STAT4: variants seen among roughly 807,000 people sequenced by gnomAD.
STAT4 encodes the protein signal transducer and activator of transcription 4.
A neutral mutation model predicts 110.5 loss-of-function variants in STAT4; 42 were observed. The ratio of observed to expected loss-of-function variants is 0.38; its 90% CI spans 0.30 to 0.49. The LOEUF (loss-of-function observed/expected upper bound fraction) is 0.49. Among genes scored for constraint, STAT4 ranks in the 20% least tolerant of loss-of-function variants. STAT4 has a pLI of 0.95. For synonymous variants in STAT4, 284 were observed against 302.2 expected, an observed-to-expected ratio of 0.94 and a Z score of 0.63; for missense variants, 632 against 887.9, an observed-to-expected ratio of 0.71 and a Z score of 3.66.
chr2:191,034,021 A>G lies in STAT4; in HGVS notation c.1621-16T>C. 1.3e-6 allele frequency: 2 copies of G among 1,502,300 alleles called. No homozygotes were observed. Among genetic ancestry groups the G allele is most frequent in the South Asian group, 1.2e-5 (1 of 84,394 alleles). 93.1% of individuals were successfully genotyped at this position (1,502,300 alleles called of 1,614,324 possible). ...GTAAATGTTCCTACAGGAATAGACA[A>G]GCACATTAAGACAATGATTATTTAA... On this transcript the variant is annotated splice_polypyrimidine_tract_variant and intron_variant, in intron 18 of 23. Transcript: ENST00000392320.
In STAT4 at chr2:191,031,193, G is replaced by T; in HGVS notation, c.2112-113C>A. 8.9e-7 allele frequency: 1 copy of T among 1,119,530 alleles called. No homozygotes were observed. Among genetic ancestry groups the T allele is most frequent in the Non-Finnish European group, 1.3e-6 (1 of 758,380 alleles). 69.3% of individuals were successfully genotyped at this position (1,119,530 alleles called of 1,614,324 possible). A position where few individuals can be genotyped will look rare whatever the true frequency, so the allele number is the denominator to read the frequency against. ...GGGCTTCATCTATTTGTGACATTGAGTTATCTAATTCATCATTTCATATCA... is the reference window on the plus strand; with the variant it reads ...GGGCTTCATCTATTTGTGACATTGATTTATCTAATTCATCATTTCATATCA... On this transcript the variant is annotated intron_variant, in intron 22 of 23. Transcript: ENST00000392320. The surrounding 1 kb of genome is among the most constrained non-coding windows in gnomAD (Gnocchi z 4.8).
chr2:191,054,610 G>A (rs781368681), intron 13 of STAT4, 76 bp from the exon 14 acceptor site: 44 of 1,355,450 alleles, frequency 3.2e-5, no homozygotes, highest in Admixed American at 1.4e-4. Context: ...TACCTGTTGC[G>A]GTCATTTTCT....
Position 191,146,637 on chromosome 2 carries a change from T to G in STAT4, c.249A>C (p.Leu83=). The part of the protein sequence containing the change: ...KEKNLLLIHN[L]KRIRKVLQGK... ...CCTGAAGGACCTTCCTAATTCTTTT[T>G]AGATTGTGTATCAAGAGTAGGTTTT... Residue 83 remains leucine, a synonymous_variant, in exon 3 of 24, where the codon CTA becomes CTC. Coordinates refer to ENST00000392320, the MANE Select transcript of STAT4 (RefSeq NM_003151.4). The surrounding 1 kb of genome is among the most constrained non-coding windows in gnomAD (Gnocchi z 4.5). 3 of 1,570,236 alleles carry G rather than the reference T, an allele frequency of 1.9e-6. No individual in the cohort carries two copies. Among genetic ancestry groups the G allele is most frequent in the Non-Finnish European group, 2.6e-6 (3 of 1,160,028 alleles).
rs1372107553 is a variant in STAT4, at chr2:191,091,469, G to T, written c.274-15144C>A. Among the ~76,000 whole-genome samples the T allele has an allele frequency of 2.0e-5, 3 of 152,144 alleles. No homozygotes were observed. Among genetic ancestry groups the T allele is most frequent in the Non-Finnish European group, 4.4e-5 (3 of 68,032 alleles). On this transcript the variant is annotated intron_variant, in intron 3 of 23. Transcript: ENST00000392320. This position sits in a 1 kb window ranked among gnomAD's most constrained non-coding sequence, Gnocchi z 5.4. The stretch of plus-strand genomic sequence containing the variant: ...AAAAACATAAATTCTAAATGTGAGA[G>T]ACTTGTTATTATAAAAATATTAATT...
At position 191,029,822 on chromosome 2, in the gene STAT4, G is replaced by A. The variant is rs758789071; in HGVS notation, c.*18C>T. ...TTTTTCATTTGCTTCCTTTCTTGGT[G>A]CGTCAGAGTTTATCCTGTCATTCAG... On this transcript the variant is annotated 3_prime_UTR_variant, in exon 24 of 24. Transcript: ENST00000392320. The surrounding 1 kb of genome is among the most constrained non-coding windows in gnomAD (Gnocchi z 4.5). 9 of 1,598,294 alleles carry A rather than the reference G, an allele frequency of 5.6e-6. No homozygotes were observed. Among genetic ancestry groups the A allele is most frequent in the Non-Finnish European group, 8.5e-7 (1 of 1,173,670 alleles).
rs1697507020 is a variant in STAT4, at chr2:191,082,325, C to T, written c.274-6000G>A. Among the ~76,000 whole-genome samples, 1 of 152,184 alleles carries T rather than the reference C, an allele frequency of 6.6e-6. No homozygotes were observed. Among genetic ancestry groups the T allele is most frequent in the African/African-American group, 2.4e-5 (1 of 41,462 alleles). ...ATTTGTTCCCGTCCCTTTCTGCATA[C>T]ATAATAACTATTTGTTTGAATCCTA... On this transcript the variant is annotated intron_variant, in intron 3 of 23. Transcript: ENST00000392320. The surrounding 1 kb of genome is among the most constrained non-coding windows in gnomAD (Gnocchi z 4.7).
At chr2:191,098,756 A>G (rs1698076180) in intron 3 of STAT4, among the ~76,000 whole-genome samples, 3 of 152,344 alleles carry the variant, frequency 2.0e-5, no homozygotes, top group East Asian at 3.9e-4. Flanking sequence ...TTAAAGTATA[A>G]TTTAAAAAAT....
rs200326628 is a variant in STAT4, at chr2:191,093,802, G to A, written c.274-17477C>T. Reference sequence around the variant, plus strand: ...AATAACAAACTTCTCCGAGCTAAAGGAGGATGTTCGAACCCATCGTGAGGA... The same window carrying A: ...AATAACAAACTTCTCCGAGCTAAAGAAGGATGTTCGAACCCATCGTGAGGA... On this transcript the variant is annotated intron_variant, in intron 3 of 23. Transcript: ENST00000392320. Among the ~76,000 whole-genome samples, 7 of 152,168 alleles carry A rather than the reference G, an allele frequency of 4.6e-5. No homozygotes were observed. The East Asian group carries it at 1.3e-3, about 29-fold the overall frequency.
At chr2:191,118,969 T>C (rs956144167) in intron 3 of STAT4, among the ~76,000 whole-genome samples, 1 of 152,148 alleles carries the variant, frequency 6.6e-6, no homozygotes, top group South Asian at 2.1e-4. Context: ...TATCACTATG[T>C]TGCCCAGGCT....
chr2:191,130,889 C>A (rs1351213223), intron 3 of STAT4, among the ~76,000 whole-genome samples: 1 of 151,302 alleles, frequency 6.6e-6, no homozygotes, highest in African/African-American at 2.4e-5. Context: ...ACAATGAGAG[C>A]ACTACATATG....
chr2:191,041,784 C>A (rs1156865391), intron 14 of STAT4: 2 of 152,302 alleles, frequency 1.3e-5, no homozygotes, highest in Non-Finnish European at 2.9e-5. Context: ...AAGAAGACTG[C>A]AGACCAGGAT....
rs1386364541 is a variant in STAT4 at position 191,091,036 on chromosome 2, G to A, written c.274-14711C>T. Among the ~76,000 whole-genome samples, 3 of 152,162 alleles carry A rather than the reference G, an allele frequency of 2.0e-5. No homozygotes were observed. Among genetic ancestry groups the A allele is most frequent in the Admixed American group, 6.5e-5 (1 of 15,272 alleles). ...GAGAGCCCTTTGTACAAAGTCAGAG[G>A]ACCTGGGTTGGTGGCTCAGTAACCT... On this transcript the variant is annotated intron_variant, in intron 3 of 23. Coordinates refer to ENST00000392320, the MANE Select transcript of STAT4 (RefSeq NM_003151.4). This position sits in a 1 kb window ranked among gnomAD's most constrained non-coding sequence, Gnocchi z 5.4.
At chr2:191,105,702 C>T (rs571994069) in intron 3 of STAT4, among the ~76,000 whole-genome samples, 122 of 152,156 alleles carry the variant, frequency 8.0e-4, no homozygotes, top group Non-Finnish European at 1.4e-3. Flanking sequence ...GTTTGTATTC[C>T]GTAGTTTTCA....
intron 3 of STAT4, among the ~76,000 whole-genome samples, chr2:191,101,737 A>G (rs1326792616): frequency 6.6e-6 from 1 of 152,074 alleles, no homozygotes; most frequent in Non-Finnish European, 1.5e-5. Flanking sequence ...AGTTAATATT[A>G]CTTGGTACAT....
rs1695880400 is a variant in STAT4, at chr2:191,031,116, T to TA, written c.2112-37dup. 1 of 1,591,320 alleles carries TA rather than the reference T, an allele frequency of 6.3e-7. No homozygotes were observed. Among genetic ancestry groups the TA allele is most frequent in the Admixed American group, 1.7e-5 (1 of 59,688 alleles). On this transcript the variant is annotated intron_variant, in intron 22 of 23. Transcript: ENST00000392320. The surrounding 1 kb of genome is among the most constrained non-coding windows in gnomAD (Gnocchi z 4.8). ...TAACAAGGTCAATATGGACAAGGAT[T>TA]AAAAAATAATAATAGTTCACGGTGA... is the stretch of plus-strand genomic sequence containing the variant.
intron 4 of STAT4, among the ~76,000 whole-genome samples, chr2:191,073,617 G>A (rs1357483599): frequency 6.6e-6 from 1 of 152,220 alleles, no homozygotes; most frequent in Non-Finnish European, 1.5e-5. Context: ...TTGAACCTGG[G>A]AGGCAGAGGT....
rs1057363970 is a variant in STAT4, at chr2:191,046,407, G to T, written c.1252-5259C>A. ...CCCTTTGCTTCTACCTCTGTGAAGG[G>T]CCTCGCATGACCAGTGTGGCCTCTA... On this transcript the variant is annotated intron_variant, in intron 14 of 23. Transcript: ENST00000392320. This position sits in a 1 kb window ranked among gnomAD's most constrained non-coding sequence, Gnocchi z 4.6. 6.6e-6 allele frequency among the ~76,000 whole-genome samples: 1 copy of T among 152,150 alleles called. No homozygotes were observed. The highest frequency in any genetic ancestry group is 1.5e-5 in the Non-Finnish European group (1 of 68,024).
At chr2:191,148,055 G>A (rs771185749) in intron 2 of STAT4, 21 bp downstream of exon 2, 8 of 1,612,556 alleles carry the variant, frequency 5.0e-6, no homozygotes, top group Non-Finnish European at 6.8e-6. Flanking sequence ...CAACTTCTAG[G>A]GAAAATATGT....
At chr2:191,134,281 T>G (rs1432511819) in intron 3 of STAT4, among the ~76,000 whole-genome samples, 1 of 152,226 alleles carries the variant, frequency 6.6e-6, no homozygotes. Context: ...GCTACTGCCA[T>G]TGCCCATGCC....
Sources: allele counts gnomAD v4.1 joint callset (sites outside exome capture counted in the v4.1 genomes callset), GRCh38; gene constraint gnomAD v4.1.1; non-coding constraint Gnocchi (gnomAD v3.1); transcripts MANE v1.5; gene names NCBI Gene and HGNC (gene_info 2026-07-23, HGNC 2026-07-21).